The following TRRAP variants were observed in gnomAD, a reference collection of about 807,000 sequenced individuals.
The protein encoded by TRRAP is transformation/transcription domain-associated protein.
TRRAP carries 41 observed loss-of-function variants against 438.8 expected under a neutral mutation model. The observed-to-expected ratio is 0.09, with a 90% CI of 0.07 to 0.12. The LOEUF is 0.12. TRRAP is among the 10% of genes least tolerant of loss of function. The pLI is 1.00. For missense variants in TRRAP, 3,122 were observed against 5,055.1 expected (o/e 0.62, Z 11.60); for synonymous variants, 1,994 against 1,962.9 (o/e 1.02, Z -0.42).
intron 56 of TRRAP, among the ~76,000 whole-genome samples, chr7:98,977,587 T>C (rs1014837743): frequency 6.6e-6 from 1 of 152,252 alleles, no homozygotes; most frequent in East Asian, 1.9e-4. Context: ...ATAAGTCCTT[T>C]GCATTAGATG....
At chr7:98,972,915 G>A (rs1032684026) in intron 53 of TRRAP, among the ~76,000 whole-genome samples, 6 of 152,216 alleles carry the variant, frequency 3.9e-5, no homozygotes, top group Non-Finnish European at 8.8e-5. Flanking sequence ...GATGGAGCGG[G>A]AAGCAGAGCA....
Position 98,976,256 on chromosome 7 carries a change from C to T in TRRAP, c.7947C>T (p.Asp2649=), listed in dbSNP as rs2116729779. 1 of 1,614,180 alleles carries T rather than the reference C, an allele frequency of 6.2e-7. No homozygotes were observed. The highest frequency in any genetic ancestry group is 8.5e-7 in the Non-Finnish European group (1 of 1,180,038). ...CCAGATTGTGGAAGATCCTCTCTGACAGACAGCAGCATGTGAGTGTATCTT... is the reference window on the plus strand; with the variant it reads ...CCAGATTGTGGAAGATCCTCTCTGATAGACAGCAGCATGTGAGTGTATCTT... ...LFPRLWKILS[D]RQQHALAGEI... is the part of the protein sequence containing the mutation. Residue 2649 remains aspartate, a synonymous_variant, in exon 54 of 73, where the codon GAC becomes GAT. Transcript: ENST00000456197. The surrounding 1 kb of genome is among the most constrained non-coding windows in gnomAD (Gnocchi z 4.6).
rs1554411334 is a variant in TRRAP, at chr7:98,925,165, C to T, written c.2877C>T (p.Tyr959=). 1.9e-6 allele frequency: 3 copies of T among 1,614,190 alleles called. No individual in the cohort carries two copies. Among genetic ancestry groups the T allele is most frequent in the Admixed American group, 1.7e-5 (1 of 60,026 alleles). The change falls in exon 22 of 73, where the codon TAC becomes TAT. Residue 959 remains tyrosine, a synonymous_variant. Coordinates refer to ENST00000456197, the MANE Select transcript of TRRAP (RefSeq NM_001375524.1). ...AAAGCGCCAACACTGAGCCCTACTA[C>T]CGGAGGCAGGCGTGGGAAGTGATCA... The part of the protein sequence containing the change: ...CLKSANTEPY[Y]RRQAWEVIKC...
chr7:98,892,502 T>C lies in TRRAP; in HGVS notation c.340T>C (p.Leu114=), dbSNP rs574167508. ...EHLRPHTKNV[L]SVMFRFLETE... ...TCTTCGTCCTCACACAAAAAATGTT[T>C]TGTCTGTGATGTTTCGCTTTTTAGA... Residue 114 remains leucine (L), a synonymous_variant, in exon 5 of 73, where the codon TTG becomes CTG. Transcript: ENST00000456197. 1.2e-5 allele frequency: 19 copies of C among 1,612,744 alleles called. No homozygotes were observed. The South Asian group carries it at 2.0e-4, about 17-fold the overall frequency.
intron 1 of TRRAP, among the ~76,000 whole-genome samples, chr7:98,880,879 A>G (rs1795399427): frequency 6.6e-6 from 1 of 152,210 alleles, no homozygotes; most frequent in Admixed American, 6.5e-5. Context: ...CGTAGGAAGG[A>G]ACAGTATCTG....
intron 53 of TRRAP, 57 bp downstream of exon 53, chr7:98,972,002 C>T: frequency 6.4e-7 from 1 of 1,571,284 alleles, no homozygotes; most frequent in Admixed American, 2.0e-5. Flanking sequence ...AGTTCAAAGC[C>T]TAAATCAGGA....
At chr7:98,958,410 G>C (rs1410014677) in intron 44 of TRRAP, among the ~76,000 whole-genome samples, 1 of 151,668 alleles carries the variant, frequency 6.6e-6, no homozygotes, top group South Asian at 2.1e-4. Context: ...AGCGATTCTC[G>C]TCCCTCAGCC....
intron 31 of TRRAP, among the ~76,000 whole-genome samples, chr7:98,944,232 T>C (rs1183901877): frequency 1.3e-5 from 2 of 152,266 alleles, no homozygotes; most frequent in African/African-American, 4.8e-5. Context: ...TTTGTTTTTA[T>C]AGTAAGCTAT....
intron 7 of TRRAP, among the ~76,000 whole-genome samples, chr7:98,897,443 T>A (rs140620948): frequency 6.6e-6 from 1 of 152,220 alleles, no homozygotes; most frequent in Non-Finnish European, 1.5e-5. Context: ...GAAAATACTT[T>A]TAGGCAAGCT....
chr7:98,900,104 C>G (rs1468721789), intron 10 of TRRAP, among the ~76,000 whole-genome samples: 1 of 151,992 alleles, frequency 6.6e-6, no homozygotes, highest in African/African-American at 2.4e-5. Flanking sequence ...CTAGAATGTT[C>G]TTTACACCCT....
intron 8 of TRRAP, 85 bp from the exon 9 acceptor site, chr7:98,899,337 A>G: frequency 1.9e-6 from 2 of 1,080,030 alleles, no homozygotes; most frequent in Non-Finnish European, 2.8e-6. Flanking sequence ...TCTCTCTTTC[A>G]GTGGGTGATG....
At chr7:98,967,314 A>C in intron 50 of TRRAP, 152 bp downstream of exon 50, 1 of 1,310,110 alleles carries the variant, frequency 7.6e-7, no homozygotes, top group Non-Finnish European at 1.1e-6. Flanking sequence ...CTTTGGTGTC[A>C]TTAAAGGACC....
intron 18 of TRRAP, among the ~76,000 whole-genome samples, chr7:98,914,171 G>T (rs1293928206): frequency 1.3e-5 from 2 of 152,030 alleles, no homozygotes; most frequent in African/African-American, 2.4e-5. Flanking sequence ...GAGGCAGGAG[G>T]ATTGCTTGAG....
chr7:98,959,476 C>T lies in TRRAP; in HGVS notation c.6475C>T (p.Leu2159=). The change falls in exon 45 of 73, where the codon CTG becomes TTG. Residue 2159 remains leucine (L), a synonymous_variant. Transcript: ENST00000456197. ...SELKLQWFDK[L]LMTVEQPNQV... ...ACTCAAGCTGCAGTGGTTCGACAAGCTGCTGATGACTGTGGTGAGTGCGAG... is the reference window on the plus strand; with the variant it reads ...ACTCAAGCTGCAGTGGTTCGACAAGTTGCTGATGACTGTGGTGAGTGCGAG... The T allele has an allele frequency of 6.2e-7, 1 of 1,613,590 alleles. No homozygotes were observed. Among genetic ancestry groups the T allele is most frequent in the Non-Finnish European group, 8.5e-7 (1 of 1,179,796 alleles).
intron 61 of TRRAP, 84 bp downstream of exon 61, chr7:98,984,442 A>G (rs1378485061): frequency 1.4e-6 from 2 of 1,461,940 alleles, no homozygotes; most frequent in African/African-American, 2.9e-5. Context: ...CTCCTGGTTC[A>G]GAATATAAGG....
At chr7:98,981,986 A>C (rs556085878) in intron 59 of TRRAP, 26 bp downstream of exon 59, 3 of 1,539,044 alleles carry the variant, frequency 1.9e-6, no homozygotes, top group South Asian at 1.2e-5. Context: ...CCATGCGAGC[A>C]CAGGCCTGTG....
intron 67 of TRRAP, chr7:98,999,295 A>G (rs1793811040): frequency 7.9e-7 from 1 of 1,258,184 alleles, no homozygotes. Flanking sequence ...CTACTATTAA[A>G]GCATTTTATC....
In TRRAP at chr7:98,997,179, G is replaced by A. The variant is rs139043864; in HGVS notation, c.10309+2331G>A. ...AAATTAGCCTGTCGTGGTGGCGTGC[G>A]CCTGTAATCCCAGCTACTCAGGAGG... On this transcript the variant is annotated intron_variant, in intron 67 of 72. Coordinates refer to ENST00000456197, the MANE Select transcript of TRRAP (RefSeq NM_001375524.1). 8.8e-3 allele frequency among the ~76,000 whole-genome samples: 1,343 copies of A among 151,950 alleles called. 25 individuals are homozygous for A. Among genetic ancestry groups the A allele is most frequent in the African/African-American group, 0.03 (1,239 of 41,450 alleles).
At chr7:98,936,635 G>C (rs1444233752) in intron 28 of TRRAP, among the ~76,000 whole-genome samples, 4 of 152,322 alleles carry the variant, frequency 2.6e-5, no homozygotes, top group African/African-American at 7.2e-5. Context: ...TGGAGGACCA[G>C]AGACCGTGCC....
Sources: allele counts gnomAD v4.1 joint callset (sites outside exome capture counted in the v4.1 genomes callset), GRCh38; gene constraint gnomAD v4.1.1; non-coding constraint Gnocchi (gnomAD v3.1); transcripts MANE v1.5; gene names NCBI Gene and HGNC (gene_info 2026-07-23, HGNC 2026-07-21).